Variants in ZNF888 observed in about 807,000 individuals in gnomAD.
ZNF888 encodes the protein zinc finger protein 888, also known as CTD-2331H12.6.
ZNF888 carries 5 observed loss-of-function variants against 7.2 expected under a neutral mutation model. That is an observed-to-expected ratio of 0.70 (90% confidence interval 0.36 to 1.46). The LOEUF is 1.46. Ranked by LOEUF, ZNF888 falls within the 40% of genes most tolerant of loss-of-function variation. The pLI is 0.03. For missense variants in ZNF888, 716 were observed against 858.0 expected (o/e 0.83, Z 2.07); for synonymous variants, 240 against 284.3 (o/e 0.84, Z 1.57).
At chr19:52,916,597 T>C (rs1405150682) in intron 3 of ZNF888, among the ~76,000 whole-genome samples, 1 of 97,168 alleles carries the variant, frequency 1.0e-5, no homozygotes, top group East Asian at 2.4e-4. Flanking sequence ...ATGTATTATA[T>C]ACATACATAT....
At chr19:52,915,167 A>C (rs4803020) in intron 4 of ZNF888, 29 bp downstream of exon 4, 16,595 of 1,453,992 alleles carry the variant, frequency 0.011, 2,735 homozygotes, top group African/African-American at 0.035. Context: ...TCCACAAGGG[A>C]ACATCCCCAG....
chr19:52,913,510 A>G (rs2064710274), intron 4 of ZNF888, among the ~76,000 whole-genome samples: 1 of 152,028 alleles, frequency 6.6e-6, no homozygotes, highest in Non-Finnish European at 1.5e-5. Flanking sequence ...ATTATACTAC[A>G]GATGAAGTTT....
At chr19:52,922,151 C>T (rs965316952) in intron 1 of ZNF888, among the ~76,000 whole-genome samples, 3 of 152,082 alleles carry the variant, frequency 2.0e-5, no homozygotes, top group African/African-American at 7.2e-5. Context: ...CCTGTCTCTA[C>T]TAAAAATACA....
At chr19:52,911,103 T>A (rs1232885662) in intron 4 of ZNF888, among the ~76,000 whole-genome samples, 6 of 152,150 alleles carry the variant, frequency 3.9e-5, no homozygotes, top group Non-Finnish European at 8.8e-5. Flanking sequence ...TGTCTCGAAC[T>A]CCTGACCTCA....
chr19:52,913,320 C>CTTTTT (rs34481338), intron 4 of ZNF888, among the ~76,000 whole-genome samples: 35 of 92,054 alleles, frequency 3.8e-4, no homozygotes, highest in Non-Finnish European at 4.3e-4. Context: ...GTTATGGATT[C>CTTTTT]TTTTTTTTTT....
At chr19:52,909,446 C>G (rs1260209137) in intron 4 of ZNF888, among the ~76,000 whole-genome samples, 1 of 151,590 alleles carries the variant, frequency 6.6e-6, no homozygotes, top group Non-Finnish European at 1.5e-5. Context: ...TGGGGTTTCA[C>G]CACGTTGGCA....
In ZNF888 at chr19:52,916,582, T is replaced by C. The variant is rs1328051457; in HGVS notation, c.16-1260A>G. Among the ~76,000 whole-genome samples the C allele has an allele frequency of 2.1e-5, 3 of 145,404 alleles. No homozygotes were observed. In the Admixed American group the frequency reaches 2.1e-4, roughly 10 times the overall value. The stretch of plus-strand genomic sequence containing the variant: ...TATATATTATATACATACATACACA[T>C]ATATATGTATTATATACATACATAT... On this transcript the variant is annotated intron_variant, in intron 3 of 4. Coordinates refer to ENST00000638862, the MANE Select transcript of ZNF888 (RefSeq NM_001393938.1).
chr19:52,918,120 CCA>C, intron 2 of ZNF888, 189 bp from the exon 3 acceptor site: 1 of 1,394,452 alleles, frequency 7.2e-7, no homozygotes, highest in Non-Finnish European at 9.3e-7. Flanking sequence ...CTGGAGAAGC[CCA>C]CACACACGCT....
intron 4 of ZNF888, among the ~76,000 whole-genome samples, chr19:52,909,295 T>C (rs1380602624): frequency 6.6e-6 from 1 of 151,756 alleles, no homozygotes; most frequent in Non-Finnish European, 1.5e-5. Context: ...TCACCCAGGC[T>C]GGAGTGCAGT....
At chr19:52,912,239 G>T (rs1455015506) in intron 4 of ZNF888, among the ~76,000 whole-genome samples, 1 of 149,284 alleles carries the variant, frequency 6.7e-6, no homozygotes, top group African/African-American at 2.5e-5. Context: ...TCAGCCTCCC[G>T]AGTAGCTGGG....
chr19:52,907,957 G>C lies in ZNF888; in HGVS notation c.365C>G (p.Thr122Arg). ...MTEIKELTGS[T>R]DQYDQRHAGN... is the part of the protein sequence containing the mutation. Reference sequence around the variant, plus strand: ...AGCATGCCTTTGATCATATTGGTCTGTACTACCCGTCAACTCTTTGATTTC... The same window carrying C: ...AGCATGCCTTTGATCATATTGGTCTCTACTACCCGTCAACTCTTTGATTTC... The change falls in exon 5 of 5, where the codon ACA (threonine) becomes AGA (arginine). Residue 122 changes from threonine (T) to arginine (R), a missense_variant. Thr to Arg is a moderately conservative substitution (Grantham distance 71). Transcript: ENST00000638862. 1 of 1,614,068 alleles carries C rather than the reference G, an allele frequency of 6.2e-7. No individual in the cohort carries two copies. The highest frequency in any genetic ancestry group is 8.5e-7 in the Non-Finnish European group (1 of 1,180,016).
At chr19:52,913,736 C>T in intron 4 of ZNF888, 3 of 984,708 alleles carry the variant, frequency 3.0e-6, no homozygotes, top group Non-Finnish European at 3.6e-6. Context: ...CTTCTGCGTA[C>T]TGAAAGGAAT....
chr19:52,911,183 T>G (rs2064673505), intron 4 of ZNF888, among the ~76,000 whole-genome samples: 1 of 152,034 alleles, frequency 6.6e-6, no homozygotes, highest in Non-Finnish European at 1.5e-5. Context: ...CTGGCCCATT[T>G]TTGGCATTTA....
chr19:52,914,960 C>T (rs1275804535), intron 4 of ZNF888, among the ~76,000 whole-genome samples: 12 of 152,152 alleles, frequency 7.9e-5, no homozygotes, highest in Admixed American at 4.6e-4. Context: ...CATGCCCAGC[C>T]TGCCATAAAG....
chr19:52,922,486 GCTGT>G (rs1231628818), intron 1 of ZNF888, among the ~76,000 whole-genome samples: 13 of 151,968 alleles, frequency 8.6e-5, no homozygotes, highest in Admixed American at 3.3e-4. Context: ...TCCCTACCTT[GCTGT>G]CTGTCCTTCA....
At position 52,906,324 on chromosome 19, in the gene ZNF888, AACCTT is replaced by A; in HGVS notation, c.1993_1997del (p.Lys665LeufsTer2). The A allele has an allele frequency of 6.2e-7, 1 of 1,613,592 alleles. No individual in the cohort carries two copies. The highest frequency in any genetic ancestry group is 8.5e-7 in the Non-Finnish European group (1 of 1,179,800). On this transcript the variant is annotated frameshift_variant, in exon 5 of 5. Coordinates refer to ENST00000638862, the MANE Select transcript of ZNF888 (RefSeq NM_001393938.1). LOFTEE classifies it low-confidence loss of function (END_TRUNC). ...AGTAACACTTGAAAGCCTTGTCACA[AACCTT>A]ACATTTGTATGGTTTCTCTCCAGTG...
At position 52,919,491 on chromosome 19, in the gene ZNF888, G is replaced by C. The variant is rs1482399667; in HGVS notation, c.-177-554C>G. Reference sequence around the variant, plus strand: ...GGTGCCCAGGCTGGAGTGCAGTGGCGTGATCTCCGCTCGCTACAACCTCCA... The same window carrying C: ...GGTGCCCAGGCTGGAGTGCAGTGGCCTGATCTCCGCTCGCTACAACCTCCA... On this transcript the variant is annotated intron_variant, in intron 1 of 4. Transcript: ENST00000638862. Among the ~76,000 whole-genome samples, 2 of 70,144 alleles carry C rather than the reference G, an allele frequency of 2.9e-5. 1 individual carries two copies. Among genetic ancestry groups the C allele is most frequent in the Admixed American group, 3.6e-4 (2 of 5,516 alleles). 46.0% of individuals were successfully genotyped at this position (70,144 alleles called of 152,430 possible).
chr19:52,912,367 C>A (rs1209175099), intron 4 of ZNF888, among the ~76,000 whole-genome samples: 1 of 151,274 alleles, frequency 6.6e-6, no homozygotes. Flanking sequence ...CCCCCCTCGG[C>A]CTCCCAAAGT....
chr19:52,920,513 AAAAG>A (rs1211992838), intron 1 of ZNF888, among the ~76,000 whole-genome samples: 7 of 42,694 alleles, frequency 1.6e-4, no homozygotes, highest in East Asian at 3.7e-4. Context: ...AAAAAAAAAA[AAAAG>A]AAAAAAAAAG....
Sources: gnomAD v4.1 joint callset for allele counts (sites outside exome capture counted in the v4.1 genomes callset) on GRCh38, gnomAD v4.1.1 for gene constraint, MANE v1.5 for transcripts, NCBI Gene and HGNC (gene_info 2026-07-23, HGNC 2026-07-21) for gene names.